MAMLD1: variants seen among roughly 807,000 people sequenced by gnomAD.
The protein encoded by MAMLD1 is mastermind-like domain-containing protein 1.
Under a neutral mutation model 45.0 loss-of-function variants are expected in MAMLD1, and 14 were observed. The ratio of observed to expected loss-of-function variants is 0.31; its 90% CI spans 0.21 to 0.49. MAMLD1 has a LOEUF of 0.49. MAMLD1 is among the 20% of genes least tolerant of loss of function. The pLI is 0.99. For missense variants in MAMLD1, 543 were observed against 603.6 expected, an observed-to-expected ratio of 0.90 and a Z score of 1.05; for synonymous variants, 254 against 247.8, an observed-to-expected ratio of 1.02 and a Z score of -0.24.
intron 1 of MAMLD1, among the ~76,000 whole-genome samples, chrX:150,416,196 A>T (rs2034244413): frequency 9.0e-6 from 1 of 111,363 alleles, no homozygotes. Flanking sequence ...CCCTGATATG[A>T]GCTCTTGGGC....
chrX:150,379,525 C>T (rs782518491), intron 1 of MAMLD1, among the ~76,000 whole-genome samples: 5 of 111,467 alleles, frequency 4.5e-5, no homozygotes, highest in Non-Finnish European at 9.4e-5. Flanking sequence ...GTCTGCCCCC[C>T]ACCCCTGAAC....
chrX:150,447,665 T>C lies in MAMLD1; in HGVS notation c.96+2053T>C, dbSNP rs782093918. On this transcript the variant is annotated intron_variant, in intron 2 of 7. Transcript: ENST00000370401. ...TGTGAGTCCACCAAGAAACCTGCAG[T>C]CCAAACAAGTTATTGTAAGGCCTGG... Among the ~76,000 whole-genome samples, 5 of 110,549 alleles carry C rather than the reference T, an allele frequency of 4.5e-5. No homozygotes were observed. The South Asian group carries it at 2.0e-3, about 45-fold the overall frequency.
At chrX:150,449,106 T>C (rs868951927) in intron 2 of MAMLD1, among the ~76,000 whole-genome samples, 10 of 111,523 alleles carry the variant, frequency 9.0e-5, no homozygotes, top group Middle Eastern at 4.6e-3. Context: ...TCTTCTGAGC[T>C]TCCCAACCAG....
intron 3 of MAMLD1, among the ~76,000 whole-genome samples, chrX:150,468,184 A>G (rs2036283973): frequency 8.9e-6 from 1 of 111,803 alleles, no homozygotes; most frequent in African/African-American, 3.3e-5. Flanking sequence ...AGGAATGTGG[A>G]TGTTTCTAAG....
Position 150,470,754 on chromosome X carries a change from G to T in MAMLD1, c.1181G>T (p.Ser394Ile). The change falls in exon 4 of 8, where the codon AGC (serine) becomes ATC (isoleucine). Residue 394 changes from serine (S) to isoleucine (I), a missense_variant. Coordinates refer to ENST00000370401, the MANE Select transcript of MAMLD1 (RefSeq NM_005491.5). ...GCCTTACTGTCAAGCATGACGTCCA[G>T]CAGCAATGCTGCCCTGGGGCCCGCC... is the stretch of plus-strand genomic sequence containing the variant. ...PNALLSSMTS[S>I]SNAALGPAMP... is the part of the protein sequence containing the mutation. 8.3e-7 allele frequency: 1 copy of T among 1,211,996 alleles called. No individual in the cohort carries two copies. The highest frequency in any genetic ancestry group is 1.1e-6 in the Non-Finnish European group (1 of 895,591).
chrX:150,473,892 G>A (rs1557406727), intron 5 of MAMLD1, 90 bp downstream of exon 5: 1 of 983,212 alleles, frequency 1.0e-6, no homozygotes, highest in Admixed American at 2.2e-5. Flanking sequence ...TGGCTCAGAG[G>A]GAGAATTCTT....
chrX:150,453,647 G>A (rs1485204280), intron 2 of MAMLD1, among the ~76,000 whole-genome samples: 1 of 111,559 alleles, frequency 9.0e-6, no homozygotes, highest in African/African-American at 3.3e-5. Flanking sequence ...TAAGTCCCCC[G>A]ATGGCTTCCC....
chrX:150,375,030 G>C (rs971932901), intron 1 of MAMLD1, among the ~76,000 whole-genome samples: 2 of 110,531 alleles, frequency 1.8e-5, no homozygotes, highest in Admixed American at 9.6e-5. Context: ...GGGCCTGCTG[G>C]TGTGTGGGGG....
intron 5 of MAMLD1, among the ~76,000 whole-genome samples, chrX:150,481,419 G>A (rs1490720587): frequency 8.9e-6 from 1 of 112,525 alleles, no homozygotes; most frequent in Admixed American, 9.4e-5. Context: ...GTGCATTGTT[G>A]GTGGGAATGT....
intron 1 of MAMLD1, among the ~76,000 whole-genome samples, chrX:150,412,006 G>C (rs1241846897): frequency 8.9e-6 from 1 of 112,082 alleles, no homozygotes; most frequent in African/African-American, 3.2e-5. Flanking sequence ...ATGATTTAAA[G>C]TGCCCCCACA....
chrX:150,384,348 A>G (rs1450960494), intron 1 of MAMLD1, among the ~76,000 whole-genome samples: 2 of 111,650 alleles, frequency 1.8e-5, no homozygotes, highest in African/African-American at 6.5e-5. Context: ...TGTGATTTGC[A>G]TTTCCCTGTT....
intron 1 of MAMLD1, among the ~76,000 whole-genome samples, chrX:150,385,886 T>A (rs2032903236): frequency 8.9e-6 from 1 of 112,383 alleles, no homozygotes; most frequent in Non-Finnish European, 1.9e-5. Context: ...GTAAAGGAAG[T>A]CAGAAGCTGT....
chrX:150,482,657 A>G (rs1397177827), intron 5 of MAMLD1, among the ~76,000 whole-genome samples: 1 of 112,359 alleles, frequency 8.9e-6, no homozygotes, highest in Non-Finnish European at 1.9e-5. Flanking sequence ...TGAACTGCTC[A>G]TTTTCCATCC....
rs782275262 is a variant in MAMLD1 at position 150,384,574 on chromosome X, C to T, written c.-64+21044C>T. Among the ~76,000 whole-genome samples the T allele has an allele frequency of 3.6e-5, 4 of 111,984 alleles. No individual in the cohort carries two copies. The South Asian group carries it at 1.5e-3, about 41-fold the overall frequency. On this transcript the variant is annotated intron_variant, in intron 1 of 7. Coordinates refer to ENST00000370401, the MANE Select transcript of MAMLD1 (RefSeq NM_005491.5). ...TCCCATTCTGTGGGTCATATTTACA[C>T]TTCCTTGATGGTATTATTCGCAGCA...
In MAMLD1 at chrX:150,363,503, C is replaced by T. The variant is rs1449465662; in HGVS notation, c.-91C>T. On this transcript the variant is annotated 5_prime_UTR_variant, in exon 1 of 8. Transcript: ENST00000370401. ...GGCCGCCCGCCCCTCGGACACTGCC[C>T]CCGCCGCCGCCGGAGCTCTGCAGCA... 4 of 104,158 alleles carry T rather than the reference C, an allele frequency of 3.8e-5. No homozygotes were observed. The highest frequency in any genetic ancestry group is 8.4e-5 in the Non-Finnish European group (4 of 47,587). The allele number at this position is 104,158 out of a possible 1,213,427, so 8.6% of individuals were successfully genotyped here.
chrX:150,371,835 G>A (rs782450311), intron 1 of MAMLD1, among the ~76,000 whole-genome samples: 1 of 111,595 alleles, frequency 9.0e-6, no homozygotes, highest in South Asian at 3.8e-4. Flanking sequence ...TAGCACAGGT[G>A]CACCACCTCA....
chrX:150,429,156 T>C lies in MAMLD1; in HGVS notation c.-63-16298T>C, dbSNP rs2034824271. On this transcript the variant is annotated intron_variant, in intron 1 of 7. Coordinates refer to ENST00000370401, the MANE Select transcript of MAMLD1 (RefSeq NM_005491.5). ...CAGTATCAGAGGCCTCTTTTTTTTC[T>C]TCTTCATTTGGGTGCATTGTATATC... Among the ~76,000 whole-genome samples the C allele has an allele frequency of 6.3e-5, 7 of 110,237 alleles. No homozygotes were observed. In the South Asian group the frequency reaches 2.8e-3, roughly 44 times the overall value.
chrX:150,452,747 C>T (rs1373297529), intron 2 of MAMLD1, among the ~76,000 whole-genome samples: 1 of 69,068 alleles, frequency 1.4e-5, no homozygotes, highest in Non-Finnish European at 2.6e-5. Context: ...TGCTATCCCT[C>T]CCCCCTCCCC....
chrX:150,389,091 G>A (rs1430287355), intron 1 of MAMLD1, among the ~76,000 whole-genome samples: 3 of 110,529 alleles, frequency 2.7e-5, no homozygotes, highest in African/African-American at 9.9e-5. Context: ...CTGTCGCCCA[G>A]GCTGAAGTGC....
Sources: gnomAD v4.1 joint callset for allele counts (sites outside exome capture counted in the v4.1 genomes callset) on GRCh38, gnomAD v4.1.1 for gene constraint, MANE v1.5 for transcripts, NCBI Gene and HGNC (gene_info 2026-07-23, HGNC 2026-07-21) for gene names.